Variants in BCOR observed in about 807,000 individuals in gnomAD.
The protein encoded by BCOR is BCL-6 corepressor.
A neutral mutation model predicts 86.7 loss-of-function variants in BCOR; 10 were observed. The observed-to-expected ratio is 0.12, with a 90% CI of 0.07 to 0.20. BCOR has a LOEUF of 0.20. BCOR is among the 10% of genes least tolerant of loss of function. The pLI is 1.00. For missense variants in BCOR, 1,259 were observed against 1,452.1 expected (o/e 0.87, Z 2.16); for synonymous variants, 611 against 609.0 (o/e 1.00, Z -0.05).
In BCOR at chrX:40,084,706, C is replaced by A. The variant is rs908634179; in HGVS notation, c.-40-6737G>T. 1.5e-3 allele frequency among the ~76,000 whole-genome samples: 147 copies of A among 98,787 alleles called. 3 individuals carry two copies. The highest frequency in any genetic ancestry group is 6.4e-3 in the African/African-American group (137 of 21,533). 85.8% of individuals were successfully genotyped at this position (98,787 alleles called of 115,157 possible). The stretch of plus-strand genomic sequence containing the variant: ...AAACACAAACGCCGTCGCCGCCACC[C>A]CCCCCCACCACCACCACCACCGAAG... On this transcript the variant is annotated intron_variant, in intron 1 of 14. Coordinates refer to ENST00000378444, the MANE Select transcript of BCOR (RefSeq NM_001123385.2).
At position 40,076,615 on chromosome X, in the gene BCOR, T is replaced by C. The variant is rs746576385; in HGVS notation, c.87-83A>G. ...CAGATCTCCCCAGAACAGACCAGTTTCTACTAACCCAATTTTTAAAACTGT... is the reference window on the plus strand; with the variant it reads ...CAGATCTCCCCAGAACAGACCAGTTCCTACTAACCCAATTTTTAAAACTGT... On this transcript the variant is annotated intron_variant, in intron 2 of 14. Coordinates refer to ENST00000378444, the MANE Select transcript of BCOR (RefSeq NM_001123385.2). 5.1e-5 allele frequency: 38 copies of C among 746,086 alleles called. No homozygotes were observed. The African/African-American group carries it at 7.3e-4, about 14-fold the overall frequency. 61.5% of individuals were successfully genotyped at this position (746,086 alleles called of 1,213,427 possible).
At chrX:40,063,147 C>T in intron 8 of BCOR, 76 bp from the exon 9 acceptor site, 1 of 796,393 alleles carries the variant, frequency 1.3e-6, no homozygotes. Flanking sequence ...CAGTTGTAGC[C>T]AGTGCAGGAA....
At chrX:40,068,378 C>T (rs755623881) in intron 6 of BCOR, among the ~76,000 whole-genome samples, 3 of 112,258 alleles carry the variant, frequency 2.7e-5, no homozygotes, top group Admixed American at 1.9e-4. Flanking sequence ...CATTGGTAGT[C>T]ATCTGTCTGC....
Position 40,062,897 on chromosome X carries a change from C to T in BCOR, c.4022G>A (p.Cys1341Tyr), listed in dbSNP as rs1230489514. The change falls in exon 9 of 15, where the codon TGC (cysteine) becomes TAC (tyrosine). Residue 1341 changes from cysteine to tyrosine, a missense_variant. By Grantham distance (194) the Cys-to-Tyr change is radical. This residue lies in a region of BCOR where 305 missense variants were observed against 286.1 expected (regional missense o/e 1.07). Coordinates refer to ENST00000378444, the MANE Select transcript of BCOR (RefSeq NM_001123385.2). ...DVLCADEEED[C>Y]QAASLLQKYT... The stretch of plus-strand genomic sequence containing the variant: ...TTTCTGCAGCAGGGAGGCAGCCTGG[C>T]AATCCTCTTCTTCGTCTGCACACAG... 9 of 1,211,187 alleles carry T rather than the reference C, an allele frequency of 7.4e-6. No homozygotes were observed. The highest frequency in any genetic ancestry group is 1.0e-5 in the Non-Finnish European group (9 of 895,145).
At chrX:40,089,923 C>T (rs1936523860) in intron 1 of BCOR, among the ~76,000 whole-genome samples, 1 of 112,135 alleles carries the variant, frequency 8.9e-6, no homozygotes, top group African/African-American at 3.2e-5. Flanking sequence ...TTGGGCCACC[C>T]AGAGTCCCCC....
At chrX:40,156,151 C>T (rs751234138) in intron 1 of BCOR, among the ~76,000 whole-genome samples, 1 of 112,673 alleles carries the variant, frequency 8.9e-6, no homozygotes, top group South Asian at 3.7e-4. Flanking sequence ...TATTTAATAT[C>T]GTGAAATTGA....
chrX:40,088,926 T>C (rs943538511), intron 1 of BCOR, among the ~76,000 whole-genome samples: 15 of 112,075 alleles, frequency 1.3e-4, no homozygotes, highest in African/African-American at 4.9e-4. Context: ...CCTAACCATA[T>C]AATGATCCCA....
In BCOR at chrX:40,063,728, G is replaced by A. The variant is rs2147052853; in HGVS notation, c.3727C>T (p.Pro1243Ser). The change falls in exon 8 of 15, where the codon CCT becomes TCT. Residue 1243 changes from proline to serine, a missense_variant. Around this residue, in one of 7 missense-constraint regions of BCOR, gnomAD observed 305 missense variants for 286.1 expected, o/e 1.07. Transcript: ENST00000378444. ...SRKEVTQATQPEAIPQGTNIT... is the reference protein window; with the variant it reads ...SRKEVTQATQSEAIPQGTNIT... ...TTAGTCCCCTGAGGAATGGCCTCAG[G>A]CTGAGTGGCCTGGGTCACTTCCTTC... is the stretch of plus-strand genomic sequence containing the variant. 1 of 1,211,929 alleles carries A rather than the reference G, an allele frequency of 8.3e-7. No homozygotes were observed. Among genetic ancestry groups the A allele is most frequent in the Non-Finnish European group, 1.1e-6 (1 of 895,458 alleles).
chrX:40,092,843 T>A (rs977948116), intron 1 of BCOR, among the ~76,000 whole-genome samples: 40 of 112,440 alleles, frequency 3.6e-4, no homozygotes, highest in African/African-American at 1.3e-3. Flanking sequence ...CAAAGACACA[T>A]TATTTCCCTG....
At position 40,082,833 on chromosome X, in the gene BCOR, C is replaced by G. The variant is rs17145654; in HGVS notation, c.-40-4864G>C. 5.9e-3 allele frequency among the ~76,000 whole-genome samples: 659 copies of G among 111,909 alleles called. 6 individuals are homozygous for G. Among genetic ancestry groups the G allele is most frequent in the African/African-American group, 0.02 (621 of 30,715 alleles). ...AACCCCGCTAAATAGTACCCGACTC[C>G]AATAAACACACTGTGTAATAAGCCC... On this transcript the variant is annotated intron_variant, in intron 1 of 14. Transcript: ENST00000378444.
chrX:40,111,982 G>A (rs748072390), intron 1 of BCOR, among the ~76,000 whole-genome samples: 3 of 108,334 alleles, frequency 2.8e-5, no homozygotes, highest in Admixed American at 9.8e-5. Flanking sequence ...ATCCTCCCTG[G>A]CCATTCTGCA....
rs917347821 is a variant in BCOR, at chrX:40,112,047, TG to T, written c.-40-34079del. 1.1e-4 allele frequency among the ~76,000 whole-genome samples: 11 copies of T among 96,230 alleles called. No homozygotes were observed. In the South Asian group the frequency reaches 1.7e-3, roughly 15 times the overall value. The allele number at this position is 96,230 out of a possible 115,157, so 83.6% of individuals were successfully genotyped here. A position where few individuals can be genotyped will look rare whatever the true frequency, so the allele number is the denominator to read the frequency against. On this transcript the variant is annotated intron_variant, in intron 1 of 14. Transcript: ENST00000342274. Reference sequence around the variant, plus strand: ...TTGTTGCCAGGAGTGGGGGCCGGGGTGGGGGGGCGGCGTTGTTTTTCAGTCC... The same window carrying T: ...TTGTTGCCAGGAGTGGGGGCCGGGGTGGGGGGCGGCGTTGTTTTTCAGTCC...
chrX:40,113,247 A>T (rs1158660555), intron 1 of BCOR, among the ~76,000 whole-genome samples: 2 of 104,671 alleles, frequency 1.9e-5, no homozygotes, highest in African/African-American at 3.5e-5. Context: ...ATCTCCACTT[A>T]AAAAAAAAGA....
At chrX:40,127,903 A>AATAG (rs1937562174) in intron 1 of BCOR, among the ~76,000 whole-genome samples, 1 of 90,889 alleles carries the variant, frequency 1.1e-5, no homozygotes, top group Non-Finnish European at 2.4e-5. Flanking sequence ...TAAATAAATA[A>AATAG]ATAAATTTAA....
At chrX:40,155,004 T>A (rs1262528273) in intron 1 of BCOR, among the ~76,000 whole-genome samples, 1 of 109,322 alleles carries the variant, frequency 9.1e-6, no homozygotes, top group Non-Finnish European at 1.9e-5. Context: ...CCTCTCCGCC[T>A]GCCCGAGCGC....
At chrX:40,068,996 T>C (rs915164231) in intron 6 of BCOR, among the ~76,000 whole-genome samples, 8 of 112,646 alleles carry the variant, frequency 7.1e-5, no homozygotes, top group African/African-American at 2.6e-4. Context: ...TTGTGACCCC[T>C]GCCTGCCCCA....
intron 1 of BCOR, among the ~76,000 whole-genome samples, chrX:40,160,169 G>C (rs1938382770): frequency 9.1e-6 from 1 of 110,056 alleles, no homozygotes; most frequent in South Asian, 3.8e-4. Flanking sequence ...GTGCTGGAGC[G>C]CAGTGGCGCG....
intron 1 of BCOR, among the ~76,000 whole-genome samples, chrX:40,158,905 C>T (rs1356582038): frequency 8.9e-6 from 1 of 112,402 alleles, no homozygotes; most frequent in Non-Finnish European, 1.9e-5. Flanking sequence ...ACCTTTGGCC[C>T]CCTCAAGTAA....
chrX:40,108,124 G>A (rs1385772060), intron 1 of BCOR, among the ~76,000 whole-genome samples: 1 of 112,849 alleles, frequency 8.9e-6, no homozygotes, highest in African/African-American at 3.2e-5. Flanking sequence ...CCAGGCGGGA[G>A]GCCCATTATG....
Sources: gnomAD v4.1 joint callset for allele counts (sites outside exome capture counted in the v4.1 genomes callset) on GRCh38, gnomAD v4.1.1 for gene constraint, gnomAD v4.1.1 regional missense constraint, MANE v1.5 for transcripts, NCBI Gene and HGNC (gene_info 2026-07-23, HGNC 2026-07-21) for gene names.